Variants in CDH4 observed in about 807,000 individuals in gnomAD.
CDH4 encodes the protein cadherin-4.
A neutral mutation model predicts 86.0 loss-of-function variants in CDH4; 33 were observed. That is an observed-to-expected ratio of 0.38 (90% confidence interval 0.29 to 0.51). The LOEUF is 0.51. Ranked by LOEUF, CDH4 falls within the 20% of genes least tolerant of loss-of-function variation. The pLI, the probability that CDH4 is intolerant of heterozygous loss-of-function variation, is 0.86. For missense variants in CDH4, 1,114 were observed against 1,307.4 expected (o/e 0.85, Z 2.28); for synonymous variants, 555 against 549.4 (o/e 1.01, Z -0.14).
chr20:61,684,588 C>CTGAAAGGCTCCTGGGGGT lies in CDH4; in HGVS notation c.170-58973_170-58956dup. Among the ~76,000 whole-genome samples the CTGAAAGGCTCCTGGGGGT allele has an allele frequency of 6.6e-6, 1 of 152,192 alleles. No individual in the cohort carries two copies. Among genetic ancestry groups the CTGAAAGGCTCCTGGGGGT allele is most frequent in the Non-Finnish European group, 1.5e-5 (1 of 68,034 alleles). ...GGAATCCTGGGCTCCGTCCTGGGGG[C>CTGAAAGGCTCCTGGGGGT]TGAAAGGCTCCTGGGGGTTCAGTCT... On this transcript the variant is annotated intron_variant, in intron 2 of 15. Coordinates refer to ENST00000614565, the MANE Select transcript of CDH4 (RefSeq NM_001794.5). The surrounding 1 kb of genome is among the most constrained non-coding windows in gnomAD (Gnocchi z 4.5).
intron 2 of CDH4, among the ~76,000 whole-genome samples, chr20:61,633,528 A>G (rs1191566240): frequency 3.9e-5 from 6 of 152,070 alleles, no homozygotes; most frequent in African/African-American, 1.2e-4. Context: ...CTGTCCATCT[A>G]TCCATCAATG....
rs933005586 is a variant in CDH4 at position 61,940,277 on chromosome 20, T to C, written c.*3334T>C. On this transcript the variant is annotated 3_prime_UTR_variant, in exon 16 of 16. Coordinates refer to ENST00000614565, the MANE Select transcript of CDH4 (RefSeq NM_001794.5). ...TTCCGATTTTTTTTGCATGTTTCTT[T>C]TTGAAATGGGCAAAATGTGTAGCAG... 7 of 152,206 alleles carry C rather than the reference T, an allele frequency of 4.6e-5. No homozygotes were observed. The highest frequency in any genetic ancestry group is 8.8e-5 in the Non-Finnish European group (6 of 68,040). 9.4% of individuals were successfully genotyped at this position (152,206 alleles called of 1,614,324 possible).
At chr20:61,670,820 A>G (rs2087378253) in intron 2 of CDH4, among the ~76,000 whole-genome samples, 1 of 152,132 alleles carries the variant, frequency 6.6e-6, no homozygotes, top group South Asian at 2.1e-4. Context: ...TACGGGATAG[A>G]AAGGAAGGAA....
intron 2 of CDH4, chr20:61,570,453 C>G: frequency 3.6e-6 from 2 of 549,648 alleles, no homozygotes; most frequent in South Asian, 2.2e-5. Context: ...TTGAGCTTGA[C>G]CCGAATTGCT....
chr20:61,492,776 G>C (rs997284652), intron 2 of CDH4, among the ~76,000 whole-genome samples: 12 of 152,186 alleles, frequency 7.9e-5, no homozygotes, highest in Admixed American at 1.3e-4. Context: ...GCCATGTACA[G>C]AATCAAAATA....
In CDH4 at chr20:61,773,078, C is replaced by T. The variant is rs2088796253; in HGVS notation, c.472C>T (p.His158Tyr). The T allele has an allele frequency of 1.2e-6, 2 of 1,613,686 alleles. No individual in the cohort carries two copies. Among genetic ancestry groups the T allele is most frequent in the Middle Eastern group, 1.7e-4 (1 of 6,058 alleles). Residue 158 changes from histidine to tyrosine, a missense_variant, in exon 4 of 16, where the codon CAC becomes TAC. Coordinates refer to ENST00000614565, the MANE Select transcript of CDH4 (RefSeq NM_001794.5). The stretch of plus-strand genomic sequence containing the variant: ...GGACACCCTGCTGCCGTGGCCCCAG[C>T]ACCAGAACGCCAACGGGCTGAGGCG... ...PKDTLLPWPQ[H>Y]QNANGLRRRK...
chr20:61,913,632 A>T (rs1431624114), intron 9 of CDH4, among the ~76,000 whole-genome samples: 1 of 152,216 alleles, frequency 6.6e-6, no homozygotes, highest in African/African-American at 2.4e-5. Context: ...CCACCCCGGG[A>T]ACTGATTCCT....
At chr20:61,736,470 G>A (rs536658419) in intron 2 of CDH4, among the ~76,000 whole-genome samples, 4 of 152,170 alleles carry the variant, frequency 2.6e-5, no homozygotes, top group Non-Finnish European at 5.9e-5. Context: ...GTAGAGTGCC[G>A]CACGTCTGAT....
rs6061590 is a variant in CDH4, at chr20:61,516,131, G to A, written c.170-227432G>A. ...TTGCACTGGCAGAGGGGCAGCACAG[G>A]ACTTAATTCTGCAGCCAGGCCCTTG... is the stretch of plus-strand genomic sequence containing the variant. On this transcript the variant is annotated intron_variant, in intron 2 of 15. Transcript: ENST00000614565. This position sits in a 1 kb window ranked among gnomAD's most constrained non-coding sequence, Gnocchi z 4.0. 0.11 allele frequency among the ~76,000 whole-genome samples: 17,148 copies of A among 152,140 alleles called. 3,259 individuals carry two copies. The highest frequency in any genetic ancestry group is 0.39 in the African/African-American group (16,187 of 41,400).
At chr20:61,860,923 G>A (rs1983293966) in intron 6 of CDH4, among the ~76,000 whole-genome samples, 1 of 152,186 alleles carries the variant, frequency 6.6e-6, no homozygotes. Flanking sequence ...GAAGTACCCG[G>A]GGGACCCTCT....
At chr20:61,381,206 T>C (rs2145446990) in intron 2 of CDH4, among the ~76,000 whole-genome samples, 2 of 152,268 alleles carry the variant, frequency 1.3e-5, no homozygotes, top group Middle Eastern at 6.8e-3. Context: ...AGCTGTCAAG[T>C]GTCCTGCCTT....
chr20:61,641,564 G>A (rs2087010442), intron 2 of CDH4, among the ~76,000 whole-genome samples: 1 of 152,250 alleles, frequency 6.6e-6, no homozygotes, highest in South Asian at 2.1e-4. Context: ...GCTGCCTAGT[G>A]GGTGTCCAGA....
At chr20:61,390,849 T>C (rs574209234) in intron 2 of CDH4, among the ~76,000 whole-genome samples, 21 of 152,354 alleles carry the variant, frequency 1.4e-4, no homozygotes, top group South Asian at 1.0e-3. Flanking sequence ...CATGAGGTCA[T>C]AGGGTGCCCA....
In CDH4 at chr20:61,681,018, A is replaced by G. The variant is rs573605364; in HGVS notation, c.170-62545A>G. On this transcript the variant is annotated intron_variant, in intron 2 of 15. Transcript: ENST00000614565. This position sits in a 1 kb window ranked among gnomAD's most constrained non-coding sequence, Gnocchi z 4.5. ...TCCCTTTCCACCCATTTCTTTGGGA[A>G]GACAAATAGGTGACATTCCAGAAAG... Among the ~76,000 whole-genome samples, 6 of 152,328 alleles carry G rather than the reference A, an allele frequency of 3.9e-5. No individual in the cohort carries two copies. The highest frequency in any genetic ancestry group is 8.8e-5 in the Non-Finnish European group (6 of 68,022).
chr20:61,665,984 A>G (rs898997245), intron 2 of CDH4, among the ~76,000 whole-genome samples: 1 of 152,218 alleles, frequency 6.6e-6, no homozygotes, highest in African/African-American at 2.4e-5. Context: ...GGCGGGGTCC[A>G]GGTGGGAGAA....
intron 2 of CDH4, among the ~76,000 whole-genome samples, chr20:61,321,171 G>GGTCT (rs1469138367): frequency 3.9e-5 from 6 of 152,298 alleles, no homozygotes; most frequent in Non-Finnish European, 8.8e-5. Context: ...AGGCTCTGTG[G>GGTCT]GTCTCATTAG....
intron 2 of CDH4, among the ~76,000 whole-genome samples, chr20:61,567,999 A>T (rs181511941): frequency 2.6e-5 from 4 of 152,324 alleles, no homozygotes; most frequent in East Asian, 1.9e-4. Context: ...AAATATATTT[A>T]AAAATTTTAG....
intron 2 of CDH4, among the ~76,000 whole-genome samples, chr20:61,347,313 A>G (rs562955501): frequency 2.0e-5 from 3 of 152,346 alleles, no homozygotes; most frequent in African/African-American, 7.2e-5. Context: ...GTGATGGCCA[A>G]CGTGGTTTTA....
chr20:61,793,817 C>A (rs531754588), intron 4 of CDH4, among the ~76,000 whole-genome samples: 7 of 133,404 alleles, frequency 5.2e-5, no homozygotes, highest in East Asian at 4.6e-4. Flanking sequence ...CCAGCTTGGG[C>A]GACAGAGTGA....
Sources: allele counts gnomAD v4.1 joint callset (sites outside exome capture counted in the v4.1 genomes callset), GRCh38; gene constraint gnomAD v4.1.1; non-coding constraint Gnocchi (gnomAD v3.1); transcripts MANE v1.5; gene names NCBI Gene and HGNC (gene_info 2026-07-23, HGNC 2026-07-21).